The following LPCAT2 variants were observed in gnomAD, a reference collection of about 807,000 sequenced individuals.
The protein encoded by LPCAT2 is lysophosphatidylcholine acyltransferase 2, also known as 1-AGP acyltransferase 11.
LPCAT2 carries 58 observed loss-of-function variants against 64.7 expected under a neutral mutation model. That is an observed-to-expected ratio of 0.90 (90% CI 0.73 to 1.12). LPCAT2 has a LOEUF of 1.12. Among genes scored for constraint, LPCAT2 ranks in the 50% most tolerant of loss-of-function variants. LPCAT2 has a pLI of 0.00. For missense variants in LPCAT2, 579 were observed against 669.8 expected (o/e 0.86, Z 1.50); for synonymous variants, 252 against 245.3 (o/e 1.03, Z -0.26).
intron 13 of LPCAT2, among the ~76,000 whole-genome samples, chr16:55,579,970 G>A (rs1174729334): frequency 1.3e-5 from 2 of 152,126 alleles, no homozygotes; most frequent in African/African-American, 4.8e-5. Context: ...TATATTCACA[G>A]TGCAGTTGTT....
intron 8 of LPCAT2, chr16:55,538,841 G>GACTTACAGAAA (rs1963358762): frequency 6.6e-6 from 1 of 151,720 alleles, no homozygotes; most frequent in Non-Finnish European, 1.5e-5. Flanking sequence ...TGAAATGTCT[G>GACTTACAGAAA]ACTTACAGAA....
At chr16:55,580,523 A>C (rs1963876818) in intron 13 of LPCAT2, among the ~76,000 whole-genome samples, 1 of 152,178 alleles carries the variant, frequency 6.6e-6, no homozygotes, top group Admixed American at 6.5e-5. Context: ...TTTTCTTTGC[A>C]GAATACAGAA....
chr16:55,582,193 C>T (rs377378827), intron 13 of LPCAT2, among the ~76,000 whole-genome samples: 71 of 152,260 alleles, frequency 4.7e-4, no homozygotes, highest in African/African-American at 1.7e-3. Flanking sequence ...AACTACCATT[C>T]AAGTCAAGAA....
intron 11 of LPCAT2, among the ~76,000 whole-genome samples, chr16:55,570,252 G>C (rs577293085): frequency 1.3e-5 from 2 of 152,190 alleles, no homozygotes; most frequent in East Asian, 3.9e-4. Context: ...GATCTTAAAG[G>C]TCACTTTAAA....
At chr16:55,533,529 C>G (rs1032363101) in intron 6 of LPCAT2, among the ~76,000 whole-genome samples, 4 of 148,632 alleles carry the variant, frequency 2.7e-5, no homozygotes, top group Non-Finnish European at 5.9e-5. Flanking sequence ...TCTCCTTTCT[C>G]AGCCTCCCGA....
intron 2 of LPCAT2, 118 bp from the exon 3 acceptor site, chr16:55,528,259 T>G: frequency 1.4e-6 from 1 of 720,790 alleles, no homozygotes; most frequent in East Asian, 2.7e-5. Context: ...TCTCCTCAGC[T>G]CATATTTTCA....
chr16:55,512,468 C>G (rs1335290433), intron 1 of LPCAT2, among the ~76,000 whole-genome samples: 7 of 152,064 alleles, frequency 4.6e-5, no homozygotes, highest in African/African-American at 1.7e-4. Context: ...TCACTTGACA[C>G]CACATGAAGG....
At chr16:55,509,991 CTT>C (rs57496150) in intron 1 of LPCAT2, among the ~76,000 whole-genome samples, 108 of 102,420 alleles carry the variant, frequency 1.1e-3, no homozygotes, top group Admixed American at 1.2e-3. Context: ...TTGAAGAAGT[CTT>C]TTTTTTTTTT....
At chr16:55,547,291 A>C (rs754540360) in intron 9 of LPCAT2, among the ~76,000 whole-genome samples, 1 of 152,240 alleles carries the variant, frequency 6.6e-6, no homozygotes, top group Non-Finnish European at 1.5e-5. Flanking sequence ...TGTGATAAAA[A>C]GTAAGAAAAA....
chr16:55,535,458 A>C (rs528158975), intron 7 of LPCAT2, among the ~76,000 whole-genome samples: 1 of 152,344 alleles, frequency 6.6e-6, no homozygotes, highest in African/African-American at 2.4e-5. Flanking sequence ...ACACATATGA[A>C]ACACTTATAT....
intron 5 of LPCAT2, 199 bp downstream of exon 5, chr16:55,532,173 G>A (rs1019242349): frequency 9.6e-6 from 5 of 521,482 alleles, no homozygotes; most frequent in African/African-American, 1.9e-5. Context: ...TCCCCTTGGA[G>A]TGTCCACTCC....
intron 11 of LPCAT2, among the ~76,000 whole-genome samples, chr16:55,569,497 A>G (rs1963746122): frequency 6.6e-6 from 1 of 152,244 alleles, no homozygotes; most frequent in African/African-American, 2.4e-5. Context: ...TATTAGGTTT[A>G]TAATTTAACC....
intron 11 of LPCAT2, among the ~76,000 whole-genome samples, chr16:55,554,447 A>G (rs905961477): frequency 7.9e-5 from 12 of 152,198 alleles, no homozygotes; most frequent in African/African-American, 2.2e-4. Flanking sequence ...GCTAGCTTCA[A>G]TCTTTTCTTC....
At chr16:55,512,005 G>A (rs377439675) in intron 1 of LPCAT2, among the ~76,000 whole-genome samples, 3 of 152,124 alleles carry the variant, frequency 2.0e-5, no homozygotes, top group African/African-American at 7.2e-5. Context: ...CTCTTCCCCA[G>A]TATACCACCA....
chr16:55,567,400 G>T (rs552685651), intron 11 of LPCAT2: 1 of 1,613,768 alleles, frequency 6.2e-7, no homozygotes, highest in Non-Finnish European at 8.5e-7. Flanking sequence ...TGCTTGGTCC[G>T]CCTGGATGCC....
intron 11 of LPCAT2, among the ~76,000 whole-genome samples, chr16:55,556,079 T>C (rs1182311059): frequency 6.6e-6 from 1 of 152,168 alleles, no homozygotes; most frequent in East Asian, 1.9e-4. Flanking sequence ...CTTCCCAAAG[T>C]GCTGGGATTA....
intron 11 of LPCAT2, among the ~76,000 whole-genome samples, chr16:55,554,376 T>C (rs1409206573): frequency 6.6e-6 from 1 of 152,206 alleles, no homozygotes; most frequent in Non-Finnish European, 1.5e-5. Flanking sequence ...CTTGCTGCCA[T>C]ACCTTGCACT....
rs531964140 is a variant in LPCAT2, at chr16:55,569,113, A to G, written c.1216-5518A>G. ...GAAGAAAGTTGTAACTATGGAAATGATGTAACTAGCCTGTTAACATCCCTC... is the reference window on the plus strand; with the variant it reads ...GAAGAAAGTTGTAACTATGGAAATGGTGTAACTAGCCTGTTAACATCCCTC... On this transcript the variant is annotated intron_variant, in intron 11 of 13. Coordinates refer to ENST00000262134, the MANE Select transcript of LPCAT2 (RefSeq NM_017839.5). Among the ~76,000 whole-genome samples, 6 of 152,328 alleles carry G rather than the reference A, an allele frequency of 3.9e-5. No homozygotes were observed. In the East Asian group the frequency reaches 1.2e-3, roughly 29 times the overall value.
intron 8 of LPCAT2, among the ~76,000 whole-genome samples, chr16:55,544,663 C>T (rs1312197323): frequency 1.3e-5 from 2 of 152,150 alleles, no homozygotes; most frequent in Non-Finnish European, 2.9e-5. Context: ...TTCTATAGAG[C>T]ACCCTTAACA....
Sources: allele counts gnomAD v4.1 joint callset (sites outside exome capture counted in the v4.1 genomes callset), GRCh38; gene constraint gnomAD v4.1.1; transcripts MANE v1.5; gene names NCBI Gene and HGNC (gene_info 2026-07-23, HGNC 2026-07-21).